The following R3HCC1L variants were observed in gnomAD, a reference collection of about 807,000 sequenced individuals.
R3HCC1L encodes the protein coiled-coil domain-containing protein R3HCC1L.
Under a neutral mutation model 59.9 loss-of-function variants are expected in R3HCC1L, and 51 were observed. The observed-to-expected ratio is 0.85, with a 90% CI of 0.68 to 1.07. R3HCC1L has a LOEUF of 1.07. Among genes scored for constraint, R3HCC1L ranks in the 50% least tolerant of loss-of-function variants. The pLI is 0.00. For missense variants in R3HCC1L, 965 were observed against 933.0 expected, an observed-to-expected ratio of 1.03 and a Z score of -0.45; for synonymous variants, 322 against 315.2, an observed-to-expected ratio of 1.02 and a Z score of -0.23.
intron 6 of R3HCC1L, among the ~76,000 whole-genome samples, chr10:98,232,480 A>G (rs1305982024): frequency 2.0e-5 from 3 of 152,240 alleles, no homozygotes; most frequent in Non-Finnish European, 2.9e-5. Context: ...AAGAGTTAGA[A>G]GTAGATACCT....
In R3HCC1L at chr10:98,236,125, G is replaced by T. The variant is rs115268639; in HGVS notation, c.2230G>T (p.Glu744Ter). Residue 744 changes from glutamate (E) to a stop codon, truncating the protein, a stop_gained, in exon 9 of 10, where the codon GAA becomes TAA. Coordinates refer to ENST00000298999, the MANE Select transcript of R3HCC1L (RefSeq NM_001351015.2). LOFTEE classifies it high-confidence loss of function. ...GGTTCGAAGTAAGCAGAGCAAAACC[G>T]AACGAGAAGCAGAGCTCAAGAAACT... ...LGVRSKQSKT[E>*]REAELKKLQE... 1 of 1,613,858 alleles carries T rather than the reference G, an allele frequency of 6.2e-7. No homozygotes were observed. The highest frequency in any genetic ancestry group is 1.1e-5 in the South Asian group (1 of 91,054).
At chr10:98,170,849 C>T (rs989327695) in intron 4 of R3HCC1L, among the ~76,000 whole-genome samples, 4 of 152,150 alleles carry the variant, frequency 2.6e-5, no homozygotes, top group African/African-American at 9.7e-5. Context: ...CACTTATTAT[C>T]TTTCTAAAAC....
intron 4 of R3HCC1L, among the ~76,000 whole-genome samples, chr10:98,193,225 C>T (rs1851048668): frequency 6.6e-6 from 1 of 151,926 alleles, no homozygotes; most frequent in African/African-American, 2.4e-5. Flanking sequence ...GGCAAGAATG[C>T]CCACTCATCA....
rs899572101 is a variant in R3HCC1L at position 98,225,059 on chromosome 10, AT to A, written c.1786-6444del. On this transcript the variant is annotated intron_variant, in intron 5 of 9. Transcript: ENST00000298999. ...ATCGGTATAAAAAATTATTAAAGAC[AT>A]TTTTTTTTGTATTAAGTCTTGAAAT... Among the ~76,000 whole-genome samples, 1,077 of 151,156 alleles carry A rather than the reference AT, an allele frequency of 7.1e-3. 10 individuals carry two copies. Among genetic ancestry groups the A allele is most frequent in the Non-Finnish European group, 0.011 (736 of 67,714 alleles).
At chr10:98,139,936 A>T (rs1280105720) in intron 1 of R3HCC1L, among the ~76,000 whole-genome samples, 3 of 151,558 alleles carry the variant, frequency 2.0e-5, no homozygotes, top group Non-Finnish European at 4.4e-5. Flanking sequence ...AGATTCTAGT[A>T]TCTAGTATCG....
chr10:98,136,267 CAA>C (rs768591434), intron 1 of R3HCC1L, among the ~76,000 whole-genome samples: 2 of 152,078 alleles, frequency 1.3e-5, no homozygotes, highest in African/African-American at 2.4e-5. Flanking sequence ...GTCCAAAAAA[CAA>C]GAGAGGATGA....
intron 4 of R3HCC1L, among the ~76,000 whole-genome samples, chr10:98,180,362 T>C (rs1223724986): frequency 1.3e-5 from 2 of 152,178 alleles, no homozygotes; most frequent in African/African-American, 2.4e-5. Context: ...CACATAGTTA[T>C]GTGGTTTTGA....
chr10:98,220,921 A>G (rs1323427354), intron 5 of R3HCC1L, among the ~76,000 whole-genome samples: 5 of 143,754 alleles, frequency 3.5e-5, no homozygotes, highest in Non-Finnish European at 6.1e-5. Context: ...GTCAAATGGT[A>G]TTTCCAGTTC....
rs1250009906 is a variant in R3HCC1L at position 98,244,273 on chromosome 10, A to G, written c.*115A>G. 8.9e-6 allele frequency: 9 copies of G among 1,010,204 alleles called. No individual in the cohort carries two copies. The South Asian group carries it at 1.3e-4, about 14-fold the overall frequency. 62.6% of individuals were successfully genotyped at this position (1,010,204 alleles called of 1,614,324 possible). A position where few individuals can be genotyped will look rare whatever the true frequency, so the allele number is the denominator to read the frequency against. ...TGCAGATGTGCATGTTAAAGAGATA[A>G]AGTGATCGAGACAAGGACTGACTGG... On this transcript the variant is annotated 3_prime_UTR_variant, in exon 10 of 10. Transcript: ENST00000298999.
At chr10:98,209,922 G>A (rs1291661624) in intron 5 of R3HCC1L, 23 bp downstream of exon 5, 1 of 1,558,998 alleles carries the variant, frequency 6.4e-7, no homozygotes, top group East Asian at 2.3e-5. Context: ...GAAATTGCTT[G>A]ATGCTTAGTT....
At chr10:98,173,588 G>A (rs769179443) in intron 4 of R3HCC1L, among the ~76,000 whole-genome samples, 2 of 152,120 alleles carry the variant, frequency 1.3e-5, no homozygotes, top group East Asian at 1.9e-4. Flanking sequence ...CTGTCCATCC[G>A]TCACTTCGCA....
intron 4 of R3HCC1L, among the ~76,000 whole-genome samples, chr10:98,189,922 A>G (rs1850650334): frequency 6.6e-6 from 1 of 152,098 alleles, no homozygotes; most frequent in Non-Finnish European, 1.5e-5. Flanking sequence ...ACATTTCTTG[A>G]TTTCTTATTT....
chr10:98,157,196 G>A (rs1846965986), intron 2 of R3HCC1L, among the ~76,000 whole-genome samples: 1 of 152,092 alleles, frequency 6.6e-6, no homozygotes, highest in Admixed American at 6.5e-5. Context: ...TGTCCCCAGT[G>A]TTCTGAAGTT....
chr10:98,169,988 G>A (rs1848358531), intron 4 of R3HCC1L, among the ~76,000 whole-genome samples: 1 of 148,100 alleles, frequency 6.8e-6, no homozygotes, highest in Non-Finnish European at 1.5e-5. Context: ...TCCAGTGTAT[G>A]AGGCACATTT....
chr10:98,168,970 G>A lies in R3HCC1L; in HGVS notation c.-15+5573G>A, dbSNP rs1450954817. On this transcript the variant is annotated intron_variant, in intron 4 of 9. Coordinates refer to ENST00000298999, the MANE Select transcript of R3HCC1L (RefSeq NM_001351015.2). ...ATTCTTATGCGGAATAGAAGAGAGGGTGTTCCTCTCCTGACACCTGGTGAG... is the reference window on the plus strand; with the variant it reads ...ATTCTTATGCGGAATAGAAGAGAGGATGTTCCTCTCCTGACACCTGGTGAG... 7.2e-5 allele frequency among the ~76,000 whole-genome samples: 11 copies of A among 152,144 alleles called. No individual in the cohort carries two copies. The East Asian group carries it at 2.1e-3, about 29-fold the overall frequency.
chr10:98,232,495 A>G (rs1856510700), intron 6 of R3HCC1L, among the ~76,000 whole-genome samples: 1 of 152,218 alleles, frequency 6.6e-6, no homozygotes, highest in Non-Finnish European at 1.5e-5. Context: ...ATACCTTTGT[A>G]TATTTAGCTT....
intron 4 of R3HCC1L, among the ~76,000 whole-genome samples, chr10:98,187,980 T>C (rs1412040652): frequency 1.3e-5 from 2 of 152,100 alleles, no homozygotes; most frequent in East Asian, 3.9e-4. Flanking sequence ...TGGACTTAAG[T>C]GATCCTCCCA....
chr10:98,187,730 C>CT (rs755546581), intron 4 of R3HCC1L, among the ~76,000 whole-genome samples: 16,827 of 95,110 alleles, frequency 0.18, 1,578 homozygotes, highest in Non-Finnish European at 0.23. Context: ...TGTAACAATT[C>CT]TTTTTTTTTT....
In R3HCC1L at chr10:98,240,031, C is replaced by T. The variant is rs182224536; in HGVS notation, c.2269+3867C>T. On this transcript the variant is annotated intron_variant, in intron 9 of 9. Coordinates refer to ENST00000298999, the MANE Select transcript of R3HCC1L (RefSeq NM_001351015.2). The stretch of plus-strand genomic sequence containing the variant: ...TTTAAAGACCAAACTCAGGGCCAGG[C>T]ATGGTGGCTCACTCCTGTAATCCCA... 1.5e-3 allele frequency among the ~76,000 whole-genome samples: 223 copies of T among 152,300 alleles called. 2 individuals carry two copies. Among genetic ancestry groups the T allele is most frequent in the African/African-American group, 4.9e-3 (202 of 41,570 alleles).
Sources: allele counts gnomAD v4.1 joint callset (sites outside exome capture counted in the v4.1 genomes callset), GRCh38; gene constraint gnomAD v4.1.1; transcripts MANE v1.5; gene names NCBI Gene and HGNC (gene_info 2026-07-23, HGNC 2026-07-21).